The following TRAIP variants were observed in gnomAD, a reference collection of about 807,000 sequenced individuals.
TRAIP encodes TRAF interacting protein, also known as E3 ubiquitin-protein ligase TRAIP.
In TRAIP, 37 loss-of-function variants were observed where a neutral mutation model predicts 65.0. The observed-to-expected ratio is 0.57, with a 90% CI of 0.44 to 0.75. The LOEUF is 0.75. TRAIP is among the 30% of genes least tolerant of loss of function. TRAIP has a pLI of 0.00. For missense variants in TRAIP, 481 were observed against 579.4 expected (o/e 0.83, Z 1.74); for synonymous variants, 187 against 219.1 (o/e 0.85, Z 1.29).
At chr3:49,851,800 G>A (rs533141320) in intron 1 of TRAIP, among the ~76,000 whole-genome samples, 3 of 151,448 alleles carry the variant, frequency 2.0e-5, no homozygotes, top group East Asian at 3.9e-4. Context: ...GAGTTCAAGC[G>A]ATTCTCCTGC....
intron 10 of TRAIP, among the ~76,000 whole-genome samples, chr3:49,836,960 T>C (rs2081794708): frequency 4.1e-5 from 6 of 145,692 alleles, no homozygotes; most frequent in Admixed American, 3.4e-4. Context: ...GACTTTTTTT[T>C]TTTTTTTTTT....
rs949603351 is a variant in TRAIP at position 49,828,836 on chromosome 3, T to C, written c.*267A>G. ...GAAAGAGTCTGACCACATCTGATCA[T>C]GGCTATAAACAGGAGCCTGGCAACA... On this transcript the variant is annotated 3_prime_UTR_variant, in exon 15 of 15. Coordinates refer to ENST00000331456, the MANE Select transcript of TRAIP (RefSeq NM_005879.3). 3.3e-5 allele frequency: 15 copies of C among 448,376 alleles called. No homozygotes were observed. The highest frequency in any genetic ancestry group is 5.8e-5 in the Non-Finnish European group (14 of 239,716). The allele number at this position is 448,376 out of a possible 1,614,324, so 27.8% of individuals were successfully genotyped here.
intron 1 of TRAIP, among the ~76,000 whole-genome samples, chr3:49,850,448 G>A (rs960944599): frequency 6.6e-6 from 1 of 150,854 alleles, no homozygotes; most frequent in African/African-American, 2.4e-5. Context: ...GCAGTGAGCC[G>A]AGATCACGCC....
chr3:49,844,805 G>A (rs989406854), intron 3 of TRAIP, among the ~76,000 whole-genome samples: 1 of 152,266 alleles, frequency 6.6e-6, no homozygotes, highest in African/African-American at 2.4e-5. Context: ...AACAATCTCA[G>A]GGGCAAGGCC....
chr3:49,844,546 T>A lies in TRAIP; in HGVS notation c.275A>T (p.Gln92Leu), dbSNP rs576646595. The stretch of plus-strand genomic sequence containing the variant: ...CTCGTCTCTTGCTAACTCACCTTTC[T>A]GGGAAAGCTGGGCTCTGACATTGTC... ...ELDNVRAQLS[Q>L]KDKEKRDSQV... The change falls in exon 4 of 15, where the codon CAG (glutamine) becomes CTG (leucine). Residue 92 changes from glutamine to leucine, a missense_variant. By Grantham distance (113) the Gln-to-Leu change is moderately radical. Coordinates refer to ENST00000331456, the MANE Select transcript of TRAIP (RefSeq NM_005879.3). 1 of 1,613,882 alleles carries A rather than the reference T, an allele frequency of 6.2e-7. No homozygotes were observed. The highest frequency in any genetic ancestry group is 8.5e-7 in the Non-Finnish European group (1 of 1,179,980).
intron 4 of TRAIP, 175 bp from the exon 5 acceptor site, chr3:49,844,103 G>A (rs915101076): frequency 2.9e-5 from 24 of 842,000 alleles, no homozygotes; most frequent in Non-Finnish European, 4.1e-5. Flanking sequence ...GAGAAGCTGA[G>A]CCAGAGCCTT....
chr3:49,833,062 G>A (rs1242269807), intron 10 of TRAIP, among the ~76,000 whole-genome samples: 1 of 152,124 alleles, frequency 6.6e-6, no homozygotes, highest in African/African-American at 2.4e-5. Flanking sequence ...AATGAAGACT[G>A]CACAAACCCA....
At chr3:49,831,421 C>A (rs1334068070) in intron 11 of TRAIP, among the ~76,000 whole-genome samples, 1 of 152,240 alleles carries the variant, frequency 6.6e-6, no homozygotes, top group East Asian at 1.9e-4. Flanking sequence ...TACCCCAGAG[C>A]AGGTTCCACC....
At chr3:49,840,173 C>T in intron 9 of TRAIP, 111 bp downstream of exon 9, 1 of 1,032,914 alleles carries the variant, frequency 9.7e-7, no homozygotes, top group Non-Finnish European at 1.5e-6. Context: ...ATGCAGGGGC[C>T]CAGAACCACC....
In TRAIP at chr3:49,841,048, T is replaced by G. The variant is rs2081834967; in HGVS notation, c.642A>C (p.Ala214=). 1.9e-6 allele frequency: 3 copies of G among 1,614,188 alleles called. No homozygotes were observed. Among genetic ancestry groups the G allele is most frequent in the Non-Finnish European group, 2.5e-6 (3 of 1,180,024 alleles). ...LKKEYENLKE[A]RKASGEVADK... is the part of the protein sequence containing the mutation. The stretch of plus-strand genomic sequence containing the variant: ...CAGCCACCTCCCCTGAGGCCTTCCG[T>G]GCCTCTTTTAGATTCTCGTACTCTC... The change falls in exon 8 of 15, where the codon GCA becomes GCC. Residue 214 remains alanine, a synonymous_variant. Transcript: ENST00000331456.
intron 1 of TRAIP, among the ~76,000 whole-genome samples, chr3:49,853,796 A>C (rs980383802): frequency 6.6e-6 from 1 of 152,054 alleles, no homozygotes; most frequent in African/African-American, 2.4e-5. Flanking sequence ...GCAGTGAGCC[A>C]AGATTGCGCC....
At chr3:49,845,953 G>C (rs1365939495) in intron 3 of TRAIP, among the ~76,000 whole-genome samples, 3 of 152,186 alleles carry the variant, frequency 2.0e-5, no homozygotes, top group Non-Finnish European at 4.4e-5. Context: ...TGATCTGACA[G>C]ATATCCAGCA....
At chr3:49,831,733 G>A (rs1391653488) in intron 11 of TRAIP, among the ~76,000 whole-genome samples, 183 bp downstream of exon 11, 2 of 152,212 alleles carry the variant, frequency 1.3e-5, no homozygotes, top group Non-Finnish European at 2.9e-5. Context: ...GAAAAGAGAA[G>A]GGGTTTGCAC....
intron 1 of TRAIP, among the ~76,000 whole-genome samples, chr3:49,852,151 G>A (rs1208186622): frequency 8.0e-5 from 12 of 150,248 alleles, no homozygotes. Context: ...GGCAGATCAC[G>A]AGGTCAGGAG....
At chr3:49,835,938 C>CAAAA (rs560923462) in intron 10 of TRAIP, among the ~76,000 whole-genome samples, 1 of 123,994 alleles carries the variant, frequency 8.1e-6, no homozygotes, top group African/African-American at 3.0e-5. Context: ...GACTCCATCT[C>CAAAA]AAAAAAAAAA....
Position 49,848,004 on chromosome 3 carries a change from C to A in TRAIP, c.156+139G>T, listed in dbSNP as rs568340218. ...CAGACCTCCCAAACACTCAAGGGCA[C>A]AAGTGAGGCTCAACTGGCCTTAAAC... On this transcript the variant is annotated intron_variant, in intron 2 of 14. Transcript: ENST00000331456. 93 of 909,360 alleles carry A rather than the reference C, an allele frequency of 1.0e-4. No individual in the cohort carries two copies. The African/African-American group carries it at 1.5e-3, about 14-fold the overall frequency. The allele number at this position is 909,360 out of a possible 1,614,324, so 56.3% of individuals were successfully genotyped here. A position where few individuals can be genotyped will look rare whatever the true frequency, so the allele number is the denominator to read the frequency against.
chr3:49,829,655 TG>T lies in TRAIP; in HGVS notation c.1197del (p.Lys400ArgfsTer14). 6.2e-7 allele frequency: 1 copy of T among 1,614,174 alleles called. No homozygotes were observed. Among genetic ancestry groups the T allele is most frequent in the Non-Finnish European group, 8.5e-7 (1 of 1,180,022 alleles). Reference protein sequence around the residue: ...VRNAILGQKQPKRPRSESSCS... With the variant: ...VRNAILGQKQXKRPRSESSCS... ...CAAGAGGACTCTGACCTGGGCCTCT[TG>T]GGCTGTTTCTGGCCTAGGATGGCAT... On this transcript the variant is annotated frameshift_variant, in exon 13 of 15. Transcript: ENST00000331456. LOFTEE classifies it high-confidence loss of function.
intron 1 of TRAIP, among the ~76,000 whole-genome samples, chr3:49,851,743 C>T (rs1423201195): frequency 1.3e-5 from 2 of 148,882 alleles, no homozygotes; most frequent in Admixed American, 6.7e-5. Context: ...GTCACCCAGG[C>T]GGGAGTGCAG....
At chr3:49,829,840 C>T in intron 12 of TRAIP, 74 bp from the exon 13 acceptor site, 3 of 1,600,790 alleles carry the variant, frequency 1.9e-6, no homozygotes, top group East Asian at 4.5e-5. Context: ...GGTGGTGGAA[C>T]AAGATCAGGA....
Sources: allele counts gnomAD v4.1 joint callset (sites outside exome capture counted in the v4.1 genomes callset), GRCh38; gene constraint gnomAD v4.1.1; transcripts MANE v1.5; gene names NCBI Gene and HGNC (gene_info 2026-07-23, HGNC 2026-07-21).